Variants in OSBPL11 observed in about 807,000 individuals in gnomAD.
The protein encoded by OSBPL11 is oxysterol-binding protein-related protein 11.
Under a neutral mutation model 84.4 loss-of-function variants are expected in OSBPL11, and 33 were observed. That is an observed-to-expected ratio of 0.39 (90% confidence interval 0.30 to 0.52). The LOEUF is 0.52. Among genes scored for constraint, OSBPL11 ranks in the 20% least tolerant of loss-of-function variants. The probability of loss-of-function intolerance (pLI) is 0.72; values close to 1 mark genes in which losing one functional copy is unlikely to be tolerated. For synonymous variants in OSBPL11, 276 were observed against 310.2 expected, an observed-to-expected ratio of 0.89 and a Z score of 1.16; for missense variants, 736 against 901.1, an observed-to-expected ratio of 0.82 and a Z score of 2.35.
intron 3 of OSBPL11, 53 bp downstream of exon 3, chr3:125,579,812 C>T: frequency 6.5e-7 from 1 of 1,550,222 alleles, no homozygotes; most frequent in South Asian, 1.1e-5. Context: ...AAGACACCAA[C>T]TTCTCAAAAA....
chr3:125,566,544 T>A (rs1936159057), intron 6 of OSBPL11, among the ~76,000 whole-genome samples: 1 of 152,164 alleles, frequency 6.6e-6, no homozygotes, highest in East Asian at 1.9e-4. Context: ...AGACTCTACC[T>A]TTCTAAAATA....
At chr3:125,575,007 AAAG>A (rs1035752611) in intron 5 of OSBPL11, among the ~76,000 whole-genome samples, 1 of 152,212 alleles carries the variant, frequency 6.6e-6, no homozygotes, top group African/African-American at 2.4e-5. Context: ...GTATAGTAAC[AAAG>A]AATAGCCACA....
intron 1 of OSBPL11, among the ~76,000 whole-genome samples, chr3:125,594,058 G>A (rs993409113): frequency 6.6e-6 from 1 of 152,218 alleles, no homozygotes; most frequent in Admixed American, 6.5e-5. Flanking sequence ...GAGCATTGAA[G>A]TGGCCTGAGC....
intron 2 of OSBPL11, among the ~76,000 whole-genome samples, chr3:125,580,295 A>T (rs1936402788): frequency 6.6e-6 from 1 of 152,118 alleles, no homozygotes; most frequent in Non-Finnish European, 1.5e-5. Context: ...CGAGCGGATC[A>T]CCTGAGGTCA....
chr3:125,557,324 T>C (rs1398691794), intron 8 of OSBPL11, among the ~76,000 whole-genome samples: 2 of 152,180 alleles, frequency 1.3e-5, no homozygotes, highest in African/African-American at 4.8e-5. Flanking sequence ...TTAAGTGTTA[T>C]TGTTAGATAA....
At chr3:125,579,258 C>A (rs1286090693) in intron 3 of OSBPL11, among the ~76,000 whole-genome samples, 1 of 152,166 alleles carries the variant, frequency 6.6e-6, no homozygotes, top group Non-Finnish European at 1.5e-5. Flanking sequence ...GGAGAAATTA[C>A]ATGCAGTGAG....
At chr3:125,543,782 C>T (rs1412182113) in intron 10 of OSBPL11, among the ~76,000 whole-genome samples, 1 of 152,070 alleles carries the variant, frequency 6.6e-6, no homozygotes, top group African/African-American at 2.4e-5. Context: ...TGCCTGTAAT[C>T]CCAGCTACTT....
At chr3:125,569,978 T>C (rs1029022544) in intron 5 of OSBPL11, among the ~76,000 whole-genome samples, 7 of 152,120 alleles carry the variant, frequency 4.6e-5, no homozygotes, top group African/African-American at 1.7e-4. Flanking sequence ...GAGGTGGTTA[T>C]GCAGAAATTA....
intron 11 of OSBPL11, among the ~76,000 whole-genome samples, chr3:125,538,136 C>A (rs571222510): frequency 6.6e-6 from 1 of 152,136 alleles, no homozygotes; most frequent in South Asian, 2.1e-4. Context: ...TATTGGGGTG[C>A]CTGACTTTTT....
rs1936658039 is a variant in OSBPL11 at position 125,594,902 on chromosome 3, G to A, written c.-102C>T. ...TAAGATTTGATCTGAATATGATACCGGTTGCTAAATCACACGGCGGCTGGG... is the reference window on the plus strand; with the variant it reads ...TAAGATTTGATCTGAATATGATACCAGTTGCTAAATCACACGGCGGCTGGG... On this transcript the variant is annotated 5_prime_UTR_variant, in exon 1 of 13. Transcript: ENST00000296220. 3.7e-6 allele frequency: 5 copies of A among 1,338,344 alleles called. No homozygotes were observed. In the East Asian group the frequency reaches 7.1e-5, roughly 19 times the overall value. The allele number at this position is 1,338,344 out of a possible 1,614,324, so 82.9% of individuals were successfully genotyped here.
At position 125,530,237 on chromosome 3, in the gene OSBPL11, A is replaced by G. The variant is rs1425234718; in HGVS notation, c.*278T>C. Reference sequence around the variant, plus strand: ...TAGGGGATTCAAACTTAACTTTAGGAGCAAGAACTGGATAAAAGATTCATC... The same window carrying G: ...TAGGGGATTCAAACTTAACTTTAGGGGCAAGAACTGGATAAAAGATTCATC... On this transcript the variant is annotated 3_prime_UTR_variant, in exon 13 of 13. Transcript: ENST00000296220. 2 of 374,512 alleles carry G rather than the reference A, an allele frequency of 5.3e-6. No individual in the cohort carries two copies. Among genetic ancestry groups the G allele is most frequent in the Non-Finnish European group, 9.8e-6 (2 of 203,450 alleles). The allele number at this position is 374,512 out of a possible 1,614,324, so 23.2% of individuals were successfully genotyped here. A position where few individuals can be genotyped will look rare whatever the true frequency, so the allele number is the denominator to read the frequency against.
intron 11 of OSBPL11, among the ~76,000 whole-genome samples, chr3:125,536,861 A>G (rs1935646096): frequency 1.3e-5 from 2 of 152,114 alleles, no homozygotes; most frequent in South Asian, 2.1e-4. Flanking sequence ...ACAGAATACT[A>G]ATAAGACATG....
intron 10 of OSBPL11, among the ~76,000 whole-genome samples, chr3:125,541,029 T>C (rs910127980): frequency 3.3e-4 from 51 of 152,340 alleles, no homozygotes; most frequent in African/African-American, 1.2e-3. Context: ...ACCATCTCTA[T>C]TGAAACTACT....
At chr3:125,545,463 C>T (rs1392722819) in intron 10 of OSBPL11, among the ~76,000 whole-genome samples, 2 of 152,218 alleles carry the variant, frequency 1.3e-5, no homozygotes, top group African/African-American at 4.8e-5. Context: ...TTAACTATTA[C>T]ATATGAGTTT....
intron 10 of OSBPL11, among the ~76,000 whole-genome samples, chr3:125,540,921 C>T (rs1327717994): frequency 6.6e-6 from 1 of 152,194 alleles, no homozygotes; most frequent in African/African-American, 2.4e-5. Context: ...AAGGCCTCAT[C>T]ACTTTGCTTA....
chr3:125,561,097 A>G (rs529486430), intron 7 of OSBPL11, among the ~76,000 whole-genome samples: 1 of 152,194 alleles, frequency 6.6e-6, no homozygotes, highest in African/African-American at 2.4e-5. Context: ...TCCTGGGTTC[A>G]AGCGATTCTC....
intron 5 of OSBPL11, among the ~76,000 whole-genome samples, chr3:125,569,292 T>C (rs1192427573): frequency 2.0e-5 from 3 of 151,764 alleles, no homozygotes; most frequent in Non-Finnish European, 2.9e-5. Context: ...GTGAAAGAGG[T>C]GTACAAAATG....
intron 5 of OSBPL11, among the ~76,000 whole-genome samples, chr3:125,575,453 T>C (rs1396762563): frequency 1.3e-5 from 2 of 152,050 alleles, no homozygotes; most frequent in Non-Finnish European, 2.9e-5. Flanking sequence ...CTCAAACTCC[T>C]GGGCTCAGGC....
intron 9 of OSBPL11, among the ~76,000 whole-genome samples, chr3:125,550,278 G>C (rs1243224142): frequency 6.6e-6 from 1 of 151,986 alleles, no homozygotes; most frequent in African/African-American, 2.4e-5. Flanking sequence ...TGGAAGCTGG[G>C]GTGGGAGGAT....
Sources: gnomAD v4.1 joint callset for allele counts (sites outside exome capture counted in the v4.1 genomes callset) on GRCh38, gnomAD v4.1.1 for gene constraint, MANE v1.5 for transcripts, NCBI Gene and HGNC (gene_info 2026-07-23, HGNC 2026-07-21) for gene names.